The following CILP2 variants were observed in gnomAD, a reference collection of about 807,000 sequenced individuals.
CILP2 encodes cartilage intermediate layer protein 2, also known as CILP-2.
CILP2 carries 38 observed loss-of-function variants against 45.6 expected under a neutral mutation model. The observed-to-expected ratio is 0.83, with a 90% confidence interval of 0.64 to 1.09. The LOEUF is 1.09. Among genes scored for constraint, CILP2 ranks in the 50% least tolerant of loss-of-function variants. The pLI, the probability that CILP2 is intolerant of heterozygous loss-of-function variation, is 0.00. For missense variants in CILP2, 1,735 were observed against 1,662.2 expected (o/e 1.04, Z -0.76); for synonymous variants, 780 against 723.5 (o/e 1.08, Z -1.25).
rs201872220 is a variant in CILP2, at chr19:19,542,871, G to A, written c.876G>A (p.Pro292=). 27 of 1,613,176 alleles carry A rather than the reference G, an allele frequency of 1.7e-5. No individual in the cohort carries two copies. Among genetic ancestry groups the A allele is most frequent in the East Asian group, 4.5e-5 (2 of 44,878 alleles). ...VTIILDKLEK[P]YLVKHPESRV... ...TACCACCTTTGACCCCAGAGAAGCC[G>A]TACCTGGTGAAACACCCTGAGTCCC... The change falls in exon 6 of 8, where the codon CCG becomes CCA. Residue 292 remains proline, a synonymous_variant. Transcript: ENST00000291495.
rs191623130 is a variant in CILP2 at position 19,541,024 on chromosome 19, C to T, written c.437-67C>T. ...GTTGGGGAAGAAGGGTCCTTTAGTC[C>T]CAGGTTACCCGGAGGCGCAGTTCCT... On this transcript the variant is annotated intron_variant, in intron 3 of 7. Transcript: ENST00000291495. The T allele has an allele frequency of 5.0e-5, 61 of 1,224,274 alleles. 1 individual carries two copies. The Admixed American group carries it at 1.8e-3, about 37-fold the overall frequency. 75.8% of individuals were successfully genotyped at this position (1,224,274 alleles called of 1,614,324 possible).
chr19:19,545,078 C>T lies in CILP2; in HGVS notation c.2533C>T (p.Arg845Cys), dbSNP rs781443285. The change falls in exon 8 of 8, where the codon CGT becomes TGT. Residue 845 changes from arginine to cysteine, a missense_variant. By Grantham distance (180) the Arg-to-Cys change is radical. Coordinates refer to ENST00000291495, the MANE Select transcript of CILP2 (RefSeq NM_153221.2). ...GCCCTACCTGGACAGGCTGGGGTAC[C>T]GTCGGACGGACCACGACGATCCCGC... Reference protein sequence around the residue: ...TQPYLDRLGYRRTDHDDPAFK... With the variant: ...TQPYLDRLGYCRTDHDDPAFK... The T allele has an allele frequency of 6.2e-7, 1 of 1,609,958 alleles. No individual in the cohort carries two copies. Among genetic ancestry groups the T allele is most frequent in the Non-Finnish European group, 8.5e-7 (1 of 1,178,862 alleles).
rs1420587315 is a variant in CILP2, at chr19:19,545,712, G to A, written c.3167G>A (p.Gly1056Asp). 6.2e-7 allele frequency: 1 copy of A among 1,613,014 alleles called. No homozygotes were observed. ...FSMLAPLDPL[G>D]HNYGVYTVTD... is the part of the protein sequence containing the mutation. ...ATGCTGGCCCCCCTAGACCCTCTGGGCCACAACTATGGCGTCTACACTGTC... is the reference window on the plus strand; with the variant it reads ...ATGCTGGCCCCCCTAGACCCTCTGGACCACAACTATGGCGTCTACACTGTC... The change falls in exon 8 of 8, where the codon GGC becomes GAC. Residue 1056 changes from glycine to aspartate, a missense_variant. Transcript: ENST00000291495.
In CILP2 at chr19:19,542,667, C is replaced by T. The variant is rs762100962; in HGVS notation, c.868+17C>T. Reference sequence around the variant, plus strand: ...ATAAGTTGGGTAAGCACCCTTGCAACATGGGGCATGAAGGGGCTGAGGATC... The same window carrying T: ...ATAAGTTGGGTAAGCACCCTTGCAATATGGGGCATGAAGGGGCTGAGGATC... On this transcript the variant is annotated intron_variant, in intron 5 of 7. Transcript: ENST00000291495. The T allele has an allele frequency of 5.6e-6, 9 of 1,609,688 alleles. No individual in the cohort carries two copies. In the Admixed American group the frequency reaches 1.3e-4, roughly 24 times the overall value.
At position 19,540,330 on chromosome 19, in the gene CILP2, A is replaced by G; in HGVS notation, c.290A>G (p.Glu97Gly). The G allele has an allele frequency of 6.4e-7, 1 of 1,573,820 alleles. No homozygotes were observed. Among genetic ancestry groups the G allele is most frequent in the Non-Finnish European group, 8.6e-7 (1 of 1,165,374 alleles). Reference protein sequence around the residue: ...ARVCPRPLALEARTTDWALPS... With the variant: ...ARVCPRPLALGARTTDWALPS... ...GTGTGCCCGCGACCGCTGGCGCTGG[A>G]AGCGCGCACCACGGACTGGGCCCTG... The change falls in exon 3 of 8, where the codon GAA becomes GGA. Residue 97 changes from glutamate (E) to glycine (G), a missense_variant. By Grantham distance (98) the Glu-to-Gly change is moderately conservative (BLOSUM62 -2). Transcript: ENST00000291495.
chr19:19,540,640 C>A, intron 3 of CILP2, 164 bp downstream of exon 3: 1 of 779,100 alleles, frequency 1.3e-6, no homozygotes, highest in Non-Finnish European at 1.8e-6. Context: ...CGTCAGGGGG[C>A]GGGGCCAGGC....
chr19:19,544,765 GGTGCGCGCCTACGCCAAC>G lies in CILP2; in HGVS notation c.2222_2239del (p.Val741_Asn746del). 1 of 1,607,066 alleles carries G rather than the reference GGTGCGCGCCTACGCCAAC, an allele frequency of 6.2e-7. No homozygotes were observed. The highest frequency in any genetic ancestry group is 8.5e-7 in the Non-Finnish European group (1 of 1,179,520). On this transcript the variant is annotated inframe_deletion, in exon 8 of 8. Transcript: ENST00000291495. ...CTGAGCGCCGCCGCTGCTTCGTGAA[GGTGCGCGCCTACGCCAAC>G]GACAAGTTCACCCCCAGCGAGCAGG... is the stretch of plus-strand genomic sequence containing the variant.
chr19:19,541,711 C>G (rs986883094), intron 4 of CILP2, among the ~76,000 whole-genome samples: 6 of 152,210 alleles, frequency 3.9e-5, no homozygotes, highest in African/African-American at 1.4e-4. Flanking sequence ...GCCCCCACCC[C>G]GGTCCCCCAC....
At position 19,542,923 on chromosome 19, in the gene CILP2, AC is replaced by A. The variant is rs755888003; in HGVS notation, c.929del (p.Thr310IlefsTer84). ...AGTGCGAGAGGCTGGCCAGAATGTG[AC>A]TTTCTGCTGCAAAGCCTCCGGGACC... is the stretch of plus-strand genomic sequence containing the variant. ...SRVREAGQNV[T>X]FCCKASGTPM... On this transcript the variant is annotated frameshift_variant, in exon 6 of 8. Transcript: ENST00000291495. LOFTEE classifies it high-confidence loss of function. The A allele has an allele frequency of 1.2e-6, 2 of 1,614,030 alleles. No individual in the cohort carries two copies. Among genetic ancestry groups the A allele is most frequent in the South Asian group, 2.2e-5 (2 of 91,072 alleles).
chr19:19,539,694 A>G lies in CILP2; in HGVS notation c.80A>G (p.Glu27Gly). 1 of 1,591,756 alleles carries G rather than the reference A, an allele frequency of 6.3e-7. No homozygotes were observed. Among genetic ancestry groups the G allele is most frequent in the Non-Finnish European group, 8.6e-7 (1 of 1,167,688 alleles). Residue 27 changes from glutamate (E) to glycine (G), a missense_variant, in exon 2 of 8, where the codon GAG (glutamate) becomes GGG (glycine). Glu to Gly is a moderately conservative substitution (Grantham distance 98). Transcript: ENST00000291495. ...LAGARDATPT[E>G]EPMATALGLE... ...TCACCCACAGACGCCACCCCCACCG[A>G]GGAGCCAATGGCGACTGCACTGGGC...
At position 19,540,484 on chromosome 19, in the gene CILP2, C is replaced by G; in HGVS notation, c.436+8C>G. ...GCTTCCGCTGCCCACTAGGTGAGGGCGGGGCTGGATGACGGGGGCGGGGCT... is the reference window on the plus strand; with the variant it reads ...GCTTCCGCTGCCCACTAGGTGAGGGGGGGGCTGGATGACGGGGGCGGGGCT... On this transcript the variant is annotated splice_region_variant and intron_variant, in intron 3 of 7. Coordinates refer to ENST00000291495, the MANE Select transcript of CILP2 (RefSeq NM_153221.2). The G allele has an allele frequency of 1.3e-6, 1 of 753,934 alleles. No homozygotes were observed. The highest frequency in any genetic ancestry group is 1.6e-6 in the Non-Finnish European group (1 of 635,764). The allele number at this position is 753,934 out of a possible 1,614,324, so 46.7% of individuals were successfully genotyped here. A position where few individuals can be genotyped will look rare whatever the true frequency, so the allele number is the denominator to read the frequency against.
Position 19,544,969 on chromosome 19 carries a change from G to C in CILP2, c.2424G>C (p.Leu808=). The change falls in exon 8 of 8, where the codon CTG becomes CTC. Residue 808 remains leucine (L), a synonymous_variant. Coordinates refer to ENST00000291495, the MANE Select transcript of CILP2 (RefSeq NM_153221.2). ...DADRPDAYTA[L]VTATLGGEEL... is the part of the protein sequence containing the mutation. ...ACAGGCCAGACGCCTACACCGCCCTGGTCACCGCCACCCTGGGCGGCGAGG... is the reference window on the plus strand; with the variant it reads ...ACAGGCCAGACGCCTACACCGCCCTCGTCACCGCCACCCTGGGCGGCGAGG... 1.9e-6 allele frequency: 3 copies of C among 1,597,252 alleles called. No homozygotes were observed. Among genetic ancestry groups the C allele is most frequent in the Non-Finnish European group, 2.5e-6 (3 of 1,178,162 alleles).
intron 4 of CILP2, among the ~76,000 whole-genome samples, chr19:19,541,556 G>A (rs2061244392): frequency 6.6e-6 from 1 of 152,204 alleles, no homozygotes; most frequent in Admixed American, 6.5e-5. Flanking sequence ...TGGACAGGTG[G>A]ATGCCAGGGG....
intron 4 of CILP2, 63 bp downstream of exon 4, chr19:19,541,309 C>G: frequency 8.1e-7 from 1 of 1,232,906 alleles, no homozygotes; most frequent in Non-Finnish European, 1.0e-6. Flanking sequence ...AGGTTAGGGG[C>G]TGAGCCTGGG....
In CILP2 at chr19:19,545,719, C is replaced by G; in HGVS notation, c.3174C>G (p.Asn1058Lys). The G allele has an allele frequency of 6.2e-7, 1 of 1,613,196 alleles. No individual in the cohort carries two copies. Among genetic ancestry groups the G allele is most frequent in the Admixed American group, 1.7e-5 (1 of 59,976 alleles). The change falls in exon 8 of 8, where the codon AAC becomes AAG. Residue 1058 changes from asparagine to lysine, a missense_variant. Coordinates refer to ENST00000291495, the MANE Select transcript of CILP2 (RefSeq NM_153221.2). ...MLAPLDPLGH[N>K]YGVYTVTDQS... ...CCCCCCTAGACCCTCTGGGCCACAA[C>G]TATGGCGTCTACACTGTCACTGACC...
chr19:19,542,577 C>A lies in CILP2; in HGVS notation c.795C>A (p.Gly265=), dbSNP rs1195819478. The A allele has an allele frequency of 1.2e-6, 2 of 1,613,986 alleles. No homozygotes were observed. Among genetic ancestry groups the A allele is most frequent in the Admixed American group, 3.3e-5 (2 of 60,014 alleles). The change falls in exon 5 of 8, where the codon GGC becomes GGA. Residue 265 remains glycine, a synonymous_variant. Transcript: ENST00000291495. The part of the protein sequence containing the change: ...SRANIRAQMD[G]FSAGEAQAQA... Reference sequence around the variant, plus strand: ...CCAACATCAGGGCCCAGATGGATGGCTTCTCTGCAGGGGAGGCCCAGGCCC... The same window carrying A: ...CCAACATCAGGGCCCAGATGGATGGATTCTCTGCAGGGGAGGCCCAGGCCC...
chr19:19,540,944 C>T, intron 3 of CILP2, 147 bp from the exon 4 acceptor site: 2 of 743,714 alleles, frequency 2.7e-6, no homozygotes, highest in Non-Finnish European at 3.7e-6. Context: ...TGGGTGGGGG[C>T]GATGGCAGAT....
Position 19,540,437 on chromosome 19 carries a change from C to G in CILP2, c.397C>G (p.Arg133Gly), listed in dbSNP as rs777852229. Residue 133 changes from arginine (R) to glycine (G), a missense_variant, in exon 3 of 8, where the codon CGC (arginine) becomes GGC (glycine). Arg to Gly is a moderately radical substitution (Grantham distance 125). Coordinates refer to ENST00000291495, the MANE Select transcript of CILP2 (RefSeq NM_153221.2). ...CLNREQPRGR[R>G]CSNYHVRFRC... is the part of the protein sequence containing the mutation. ...CAACCGCGAGCAACCGCGTGGCCGC[C>G]GCTGCTCCAACTACCACGTGCGCTT... 2.9e-5 allele frequency: 42 copies of G among 1,472,250 alleles called. No individual in the cohort carries two copies. Among genetic ancestry groups the G allele is most frequent in the Non-Finnish European group, 3.5e-5 (39 of 1,116,826 alleles). 91.2% of individuals were successfully genotyped at this position (1,472,250 alleles called of 1,614,324 possible). A position where few individuals can be genotyped will look rare whatever the true frequency, so the allele number is the denominator to read the frequency against.
At position 19,540,254 on chromosome 19, in the gene CILP2, G is replaced by A. The variant is rs568875862; in HGVS notation, c.214G>A (p.Gly72Ser). ...WFNVDHPGGDGDFESLAAIRF... is the reference protein window; with the variant it reads ...WFNVDHPGGDSDFESLAAIRF... ...CAACGTGGACCACCCCGGAGGCGAC[G>A]GCGACTTCGAGAGCCTGGCTGCCAT... Residue 72 changes from glycine (G) to serine (S), a missense_variant, in exon 3 of 8, where the codon GGC becomes AGC. Physicochemically the swap from Gly to Ser is moderately conservative, Grantham distance 56. Transcript: ENST00000291495. 12 of 1,603,424 alleles carry A rather than the reference G, an allele frequency of 7.5e-6. No individual in the cohort carries two copies. The South Asian group carries it at 1.2e-4, about 16-fold the overall frequency.
Sources: allele counts gnomAD v4.1 joint callset (sites outside exome capture counted in the v4.1 genomes callset), GRCh38; gene constraint gnomAD v4.1.1; transcripts MANE v1.5; gene names NCBI Gene and HGNC (gene_info 2026-07-23, HGNC 2026-07-21).